ROCK1: variants seen among roughly 807,000 people sequenced by gnomAD.
The protein encoded by ROCK1 is rho-associated protein kinase 1.
Under a neutral mutation model 196.8 loss-of-function variants are expected in ROCK1, and 36 were observed. That is an observed-to-expected ratio of 0.18 (90% CI 0.14 to 0.24). ROCK1 has a LOEUF of 0.24. ROCK1 is among the 10% of genes least tolerant of loss of function. ROCK1 has a pLI of 1.00. For missense variants in ROCK1, 920 were observed against 1,562.0 expected, an observed-to-expected ratio of 0.59 and a Z score of 6.93; for synonymous variants, 443 against 515.9, an observed-to-expected ratio of 0.86 and a Z score of 1.91.
At chr18:20,964,844 A>C (rs536248638) in intron 27 of ROCK1, among the ~76,000 whole-genome samples, 1 of 152,314 alleles carries the variant, frequency 6.6e-6, no homozygotes, top group East Asian at 1.9e-4. Context: ...AAGCCAGCTG[A>C]TGGCACTATG....
At chr18:20,962,538 G>A (rs1789363965) in intron 27 of ROCK1, among the ~76,000 whole-genome samples, 1 of 152,112 alleles carries the variant, frequency 6.6e-6, no homozygotes, top group South Asian at 2.1e-4. Context: ...GGCTCTAGAT[G>A]TGGGTTAACC....
intron 18 of ROCK1, among the ~76,000 whole-genome samples, chr18:20,987,652 C>T (rs1244362857): frequency 6.6e-6 from 1 of 152,170 alleles, no homozygotes; most frequent in Non-Finnish European, 1.5e-5. Flanking sequence ...AACTAAGCTT[C>T]TGAGAGGTTA....
rs150388231 is a variant in ROCK1, at chr18:20,995,122, T to C, written c.1886-2185A>G. On this transcript the variant is annotated intron_variant, in intron 16 of 32. Transcript: ENST00000399799. Reference sequence around the variant, plus strand: ...TTCCCACCATGCAGTAGACTGACTATAGTTAACAATAACATACTGCATATT... The same window carrying C: ...TTCCCACCATGCAGTAGACTGACTACAGTTAACAATAACATACTGCATATT... Among the ~76,000 whole-genome samples the C allele has an allele frequency of 2.8e-3, 428 of 152,326 alleles. 7 individuals are homozygous for C. Among genetic ancestry groups the C allele is most frequent in the Admixed American group, 0.023 (359 of 15,300 alleles).
At chr18:20,982,344 T>C (rs1336361677) in intron 21 of ROCK1, among the ~76,000 whole-genome samples, 1 of 152,168 alleles carries the variant, frequency 6.6e-6, no homozygotes, top group Non-Finnish European at 1.5e-5. Flanking sequence ...GTCCAACTAC[T>C]GGACTCAAGC....
intron 21 of ROCK1, among the ~76,000 whole-genome samples, chr18:20,981,073 C>CTGGGTAGT: frequency 6.6e-6 from 1 of 151,878 alleles, no homozygotes; most frequent in South Asian, 2.1e-4. Context: ...GTGGGATGTA[C>CTGGGTAGT]TGGGTAGTTG....
chr18:21,052,205 G>A (rs1315852044), intron 2 of ROCK1, among the ~76,000 whole-genome samples: 2 of 152,210 alleles, frequency 1.3e-5, no homozygotes, highest in African/African-American at 4.8e-5. Context: ...GCTAACAAGT[G>A]TAAATGCCTC....
chr18:20,970,517 C>T lies in ROCK1; in HGVS notation c.2655-4G>A, dbSNP rs1170255345. On this transcript the variant is annotated splice_region_variant and splice_polypyrimidine_tract_variant and intron_variant, in intron 22 of 32. Transcript: ENST00000399799. ...CAACTGAGTAGCAAGAGTTTCTCTG[C>T]AACAATTTTTTAAGAGAAACTGATG... 2.5e-6 allele frequency: 4 copies of T among 1,584,418 alleles called. 1 individual carries two copies. In the South Asian group the frequency reaches 4.6e-5, roughly 18 times the overall value.
At chr18:21,098,907 T>C (rs2143597309) in intron 1 of ROCK1, among the ~76,000 whole-genome samples, 1 of 152,290 alleles carries the variant, frequency 6.6e-6, no homozygotes, top group East Asian at 1.9e-4. Context: ...TTGTCACCTA[T>C]TAAATGGACA....
chr18:20,977,118 C>T (rs1361287831), intron 22 of ROCK1, among the ~76,000 whole-genome samples: 1 of 152,202 alleles, frequency 6.6e-6, no homozygotes, highest in African/African-American at 2.4e-5. Flanking sequence ...TCAATTCATT[C>T]TCCACTCCTT....
chr18:21,059,483 C>G (rs541701710), intron 2 of ROCK1, among the ~76,000 whole-genome samples: 3 of 152,074 alleles, frequency 2.0e-5, no homozygotes, highest in Admixed American at 6.5e-5. Flanking sequence ...TACTTGTGCT[C>G]GATGCTACTG....
rs754941266 is a variant in ROCK1 at position 21,049,897 on chromosome 18, G to C, written c.176-17C>G. The C allele has an allele frequency of 2.8e-6, 4 of 1,439,212 alleles. No homozygotes were observed. The highest frequency in any genetic ancestry group is 2.9e-5 in the African/African-American group (2 of 69,604). 89.2% of individuals were successfully genotyped at this position (1,439,212 alleles called of 1,614,324 possible). A position where few individuals can be genotyped will look rare whatever the true frequency, so the allele number is the denominator to read the frequency against. On this transcript the variant is annotated splice_polypyrimidine_tract_variant and intron_variant, in intron 2 of 32. Transcript: ENST00000399799. The stretch of plus-strand genomic sequence containing the variant: ...TGTCTTTATCTGTATGAAAAGAAAA[G>C]TTTATCATTTTAAATCACTAAAGCA...
At chr18:21,042,347 A>T in intron 7 of ROCK1, 112 bp from the exon 8 acceptor site, 2 of 1,058,636 alleles carry the variant, frequency 1.9e-6, no homozygotes, top group Non-Finnish European at 2.7e-6. Context: ...TATGTATTAA[A>T]CTAAAAACAT....
At chr18:21,070,751 T>A in intron 1 of ROCK1, 138 bp from the exon 2 acceptor site, 1 of 515,310 alleles carries the variant, frequency 1.9e-6, no homozygotes, top group Non-Finnish European at 3.4e-6. Flanking sequence ...CTCTACAAGG[T>A]TAGATGAGTA....
At chr18:21,021,264 T>C (rs2035910598) in intron 11 of ROCK1, among the ~76,000 whole-genome samples, 1 of 152,152 alleles carries the variant, frequency 6.6e-6, no homozygotes. Context: ...CTGAGAAGTA[T>C]ACAGAAGAGA....
intron 2 of ROCK1, among the ~76,000 whole-genome samples, chr18:21,053,558 G>T (rs1437810230): frequency 6.6e-6 from 1 of 152,178 alleles, no homozygotes; most frequent in African/African-American, 2.4e-5. Context: ...CATTTGGGCT[G>T]GGCATGATGG....
intron 29 of ROCK1, among the ~76,000 whole-genome samples, chr18:20,959,487 C>T (rs1216597673): frequency 6.6e-6 from 1 of 151,338 alleles, no homozygotes; most frequent in Non-Finnish European, 1.5e-5. Flanking sequence ...GCTGGGGTTA[C>T]AGGTGTGAGT....
chr18:21,109,078 C>T (rs2036726989), intron 1 of ROCK1, among the ~76,000 whole-genome samples: 1 of 152,192 alleles, frequency 6.6e-6, no homozygotes, highest in African/African-American at 2.4e-5. Context: ...CATACTTTGG[C>T]TCTCTCAACT....
intron 1 of ROCK1, among the ~76,000 whole-genome samples, chr18:21,073,826 G>C (rs1225056288): frequency 1.3e-5 from 2 of 152,078 alleles, no homozygotes; most frequent in East Asian, 1.9e-4. Context: ...TAAAGAAAAT[G>C]TTTTTGGTAT....
At chr18:21,079,775 A>C (rs2036467305) in intron 1 of ROCK1, among the ~76,000 whole-genome samples, 1 of 152,208 alleles carries the variant, frequency 6.6e-6, no homozygotes, top group South Asian at 2.1e-4. Flanking sequence ...GTTGTCTCGC[A>C]GAGCAAAGAA....
Sources: allele counts gnomAD v4.1 joint callset (sites outside exome capture counted in the v4.1 genomes callset), GRCh38; gene constraint gnomAD v4.1.1; transcripts MANE v1.5; gene names NCBI Gene and HGNC (gene_info 2026-07-23, HGNC 2026-07-21).